The following MACROD2 variants were observed in gnomAD, a reference collection of about 807,000 sequenced individuals.
MACROD2 encodes the protein ADP-ribose glycohydrolase MACROD2.
MACROD2 carries 36 observed loss-of-function variants against 70.4 expected under a neutral mutation model. The ratio of observed to expected loss-of-function variants is 0.51; its 90% CI spans 0.39 to 0.68. The LOEUF (loss-of-function observed/expected upper bound fraction) is 0.68. Ranked by LOEUF, MACROD2 falls within the 30% of genes least tolerant of loss-of-function variation. The probability of loss-of-function intolerance (pLI) is 0.00; values close to 1 mark genes in which losing one functional copy is unlikely to be tolerated. For synonymous variants in MACROD2, 172 were observed against 178.8 expected (o/e 0.96, Z 0.30); for missense variants, 496 against 538.4 (o/e 0.92, Z 0.78).
chr20:14,982,440 C>T (rs560977188), intron 5 of MACROD2, among the ~76,000 whole-genome samples: 1 of 152,200 alleles, frequency 6.6e-6, no homozygotes, highest in South Asian at 2.1e-4. Flanking sequence ...ATGTCAGAGA[C>T]CTTTGTGGCA....
chr20:15,685,967 A>G (rs2050219497), intron 8 of MACROD2, among the ~76,000 whole-genome samples: 1 of 152,246 alleles, frequency 6.6e-6, no homozygotes, highest in African/African-American at 2.4e-5. Context: ...CACTTTATCC[A>G]TTGCACAGTG....
At chr20:14,265,967 G>A (rs1275215338) in intron 3 of MACROD2, among the ~76,000 whole-genome samples, 4 of 152,036 alleles carry the variant, frequency 2.6e-5, no homozygotes, top group South Asian at 2.1e-4. Flanking sequence ...TAGTAGAGAC[G>A]GGGTTTCACC....
chr20:14,110,823 A>G (rs1243490894), intron 3 of MACROD2, among the ~76,000 whole-genome samples: 3 of 151,982 alleles, frequency 2.0e-5, no homozygotes, highest in Non-Finnish European at 4.4e-5. Flanking sequence ...GATTCAGTGC[A>G]GTCCCTATCA....
chr20:15,456,576 C>T (rs2046729943), intron 7 of MACROD2, among the ~76,000 whole-genome samples: 1 of 152,132 alleles, frequency 6.6e-6, no homozygotes, highest in Non-Finnish European at 1.5e-5. Flanking sequence ...TGAACTGAGT[C>T]TTCAGGAAAG....
intron 6 of MACROD2, among the ~76,000 whole-genome samples, chr20:15,352,717 CAG>C (rs1280247408): frequency 1.3e-5 from 2 of 152,072 alleles, no homozygotes; most frequent in Non-Finnish European, 2.9e-5. Context: ...AAGAGACAAA[CAG>C]AGAGCCAAAT....
intron 2 of MACROD2, among the ~76,000 whole-genome samples, chr20:14,028,609 G>A (rs2053208091): frequency 6.6e-6 from 1 of 152,174 alleles, no homozygotes; most frequent in African/African-American, 2.4e-5. Flanking sequence ...GAAAAGCGTA[G>A]TATCCAGGCT....
rs58728379 is a variant in MACROD2 at position 15,643,626 on chromosome 20, G to T, written c.645+143779G>T. On this transcript the variant is annotated intron_variant, in intron 8 of 17. Coordinates refer to ENST00000684519, the MANE Select transcript of MACROD2 (RefSeq NM_001351661.2). ...CAAGGAGAAGGTTTGAAACAGAGTA[G>T]ATATGATAAATATTTAATGAATGAA... Among the ~76,000 whole-genome samples, 599 of 152,292 alleles carry T rather than the reference G, an allele frequency of 3.9e-3. 6 individuals carry two copies. Among genetic ancestry groups the T allele is most frequent in the African/African-American group, 0.012 (508 of 41,558 alleles).
intron 8 of MACROD2, among the ~76,000 whole-genome samples, chr20:15,719,590 A>G (rs973923384): frequency 6.6e-6 from 1 of 152,244 alleles, no homozygotes; most frequent in Admixed American, 6.5e-5. Context: ...ATCACCAAAA[A>G]TAAATGTTGG....
chr20:14,062,407 G>C (rs906356803), intron 2 of MACROD2, among the ~76,000 whole-genome samples: 1 of 152,118 alleles, frequency 6.6e-6, no homozygotes, highest in African/African-American at 2.4e-5. Flanking sequence ...ATAACATGTT[G>C]AATGACACAG....
At chr20:14,818,425 A>AC (rs377440693) in intron 5 of MACROD2, among the ~76,000 whole-genome samples, 1 of 151,884 alleles carries the variant, frequency 6.6e-6, no homozygotes, top group Non-Finnish European at 1.5e-5. Context: ...GTCTCTGAGT[A>AC]CCCCCCTGAA....
At chr20:14,334,841 G>T (rs776318190) in intron 3 of MACROD2, among the ~76,000 whole-genome samples, 4 of 151,602 alleles carry the variant, frequency 2.6e-5, no homozygotes, top group Non-Finnish European at 4.4e-5. Flanking sequence ...ATATATAAGG[G>T]GATCTATTCA....
intron 5 of MACROD2, among the ~76,000 whole-genome samples, chr20:15,113,732 TAA>T (rs1392753827): frequency 6.6e-6 from 1 of 151,190 alleles, no homozygotes; most frequent in African/African-American, 2.4e-5. Context: ...ACAAAAAACT[TAA>T]AGATAGGTAT....
At position 15,755,685 on chromosome 20, in the gene MACROD2, AGATTT is replaced by A. The variant is rs145977308; in HGVS notation, c.646-107054_646-107050del. On this transcript the variant is annotated intron_variant, in intron 8 of 17. Transcript: ENST00000684519. ...AACTGGAAGACCCTTGAAGGGAGAG[AGATTT>A]GATTTTGATTATCATGTACCCAACA... 1.8e-3 allele frequency among the ~76,000 whole-genome samples: 278 copies of A among 152,236 alleles called. 5 individuals carry two copies. The East Asian group carries it at 0.043, about 24-fold the overall frequency.
At chr20:15,152,782 C>A (rs2076280632) in intron 5 of MACROD2, among the ~76,000 whole-genome samples, 1 of 152,052 alleles carries the variant, frequency 6.6e-6, no homozygotes, top group Admixed American at 6.5e-5. Flanking sequence ...GGCATCCCTG[C>A]AATGATTAAA....
intron 8 of MACROD2, among the ~76,000 whole-genome samples, chr20:15,558,410 G>A (rs897710972): frequency 1.3e-5 from 2 of 152,206 alleles, no homozygotes; most frequent in Non-Finnish European, 2.9e-5. Flanking sequence ...GTAATAGCGG[G>A]TTTTGCTATT....
At chr20:14,174,970 T>C (rs190904014) in intron 3 of MACROD2, among the ~76,000 whole-genome samples, 4 of 152,320 alleles carry the variant, frequency 2.6e-5, no homozygotes, top group Non-Finnish European at 5.9e-5. Flanking sequence ...AGTGAGAGTG[T>C]GTGTTCCAGG....
intron 6 of MACROD2, among the ~76,000 whole-genome samples, chr20:15,240,910 G>A (rs1382523151): frequency 2.6e-5 from 4 of 152,160 alleles, no homozygotes; most frequent in Non-Finnish European, 5.9e-5. Flanking sequence ...GAACAGAATT[G>A]TCCAGAACCT....
chr20:14,576,141 C>G (rs1835669493), intron 4 of MACROD2, among the ~76,000 whole-genome samples: 1 of 152,116 alleles, frequency 6.6e-6, no homozygotes, highest in African/African-American at 2.4e-5. Flanking sequence ...TCCCCAGCCC[C>G]ACGACTGGTA....
At chr20:15,098,915 C>A (rs1039342482) in intron 5 of MACROD2, among the ~76,000 whole-genome samples, 2 of 152,332 alleles carry the variant, frequency 1.3e-5, no homozygotes, top group African/African-American at 4.8e-5. Flanking sequence ...AATTGCACTA[C>A]TAGTTACATT....
Sources: allele counts gnomAD v4.1 joint callset (sites outside exome capture counted in the v4.1 genomes callset), GRCh38; gene constraint gnomAD v4.1.1; transcripts MANE v1.5; gene names NCBI Gene and HGNC (gene_info 2026-07-23, HGNC 2026-07-21).